Variants in PTPRS observed in about 807,000 individuals in gnomAD.
PTPRS encodes receptor-type tyrosine-protein phosphatase S.
In PTPRS, 63 loss-of-function variants were observed where a neutral mutation model predicts 215.3. The ratio of observed to expected loss-of-function variants is 0.29; its 90% CI spans 0.24 to 0.36. The LOEUF (loss-of-function observed/expected upper bound fraction) is 0.36, where lower values mean the gene tolerates loss of function less well. Ranked by LOEUF, PTPRS falls within the 10% of genes least tolerant of loss-of-function variation. PTPRS has a pLI of 1.00. For missense variants in PTPRS, 2,258 were observed against 2,825.8 expected (o/e 0.80, Z 4.56); for synonymous variants, 1,404 against 1,191.4 (o/e 1.18, Z -3.68).
At chr19:5,251,485 C>G (rs1240009967) in intron 9 of PTPRS, among the ~76,000 whole-genome samples, 6 of 142,552 alleles carry the variant, frequency 4.2e-5, no homozygotes, top group African/African-American at 1.6e-4. Flanking sequence ...TTTTGTTTTT[C>G]CCCCAGTTCT....
chr19:5,214,865 G>T, intron 28 of PTPRS, 129 bp from the exon 29 acceptor site: 1 of 965,088 alleles, frequency 1.0e-6, no homozygotes, highest in Non-Finnish European at 1.5e-6. Flanking sequence ...CATGGGACGT[G>T]TACTTCACAG....
In PTPRS at chr19:5,222,202, T is replaced by A. The variant is rs1174993660; in HGVS notation, c.3122A>T (p.Lys1041Met). Residue 1041 changes from lysine to methionine, a missense_variant, in exon 19 of 38, where the codon AAG becomes ATG. Physicochemically the swap from Lys to Met is moderately conservative, Grantham distance 95. Coordinates refer to ENST00000262963, the MANE Select transcript of PTPRS (RefSeq NM_002850.4). ...LRDQVSPKNF[K>M]VKMIMKTSVL... ...TGATGTCTTCATGATCATTTTCACCTTGAAGTTCTTGGGCGAGACTGCCGG... is the reference window on the plus strand; with the variant it reads ...TGATGTCTTCATGATCATTTTCACCATGAAGTTCTTGGGCGAGACTGCCGG... 3.1e-6 allele frequency: 5 copies of A among 1,613,702 alleles called. No homozygotes were observed. The highest frequency in any genetic ancestry group is 4.2e-6 in the Non-Finnish European group (5 of 1,179,922).
At position 5,229,512 on chromosome 19, in the gene PTPRS, G is replaced by A. The variant is rs978408377; in HGVS notation, c.2328C>T (p.Asp776=). 2 of 1,461,930 alleles carry A rather than the reference G, an allele frequency of 1.4e-6. No homozygotes were observed. Among genetic ancestry groups the A allele is most frequent in the Non-Finnish European group, 1.8e-6 (2 of 1,109,190 alleles). The allele number at this position is 1,461,930 out of a possible 1,614,324, so 90.6% of individuals were successfully genotyped here. Residue 776 remains aspartate (D), a synonymous_variant, in exon 15 of 38, where the codon GAC becomes GAT. Coordinates refer to ENST00000262963, the MANE Select transcript of PTPRS (RefSeq NM_002850.4). ...CCACCTGGGCATCGGCCAGCATGAC[G>A]TCCTTGATGCGCGGCGGCCCGCGGG... is the stretch of plus-strand genomic sequence containing the variant. ...AEARGPPRIK[D]VMLADAQWET...
At chr19:5,332,724 T>C (rs1329038094) in intron 1 of PTPRS, among the ~76,000 whole-genome samples, 1 of 152,214 alleles carries the variant, frequency 6.6e-6, no homozygotes, top group Admixed American at 6.5e-5. Context: ...CTTGGGCAAG[T>C]TGCTCTCCCT....
intron 17 of PTPRS, among the ~76,000 whole-genome samples, chr19:5,225,175 C>T (rs2042369632): frequency 6.6e-6 from 1 of 152,114 alleles, no homozygotes; most frequent in Non-Finnish European, 1.5e-5. Context: ...GAAGGGGAAA[C>T]TGAGGCAGGG....
chr19:5,219,994 T>A lies in PTPRS; in HGVS notation c.3710A>T (p.Glu1237Val). Residue 1237 changes from glutamate to valine, a missense_variant, in exon 22 of 38, where the codon GAG becomes GTG. Around this residue, in one of 6 missense-constraint regions of PTPRS, gnomAD observed 927 missense variants for 1,125.9 expected, o/e 0.82. Coordinates refer to ENST00000262963, the MANE Select transcript of PTPRS (RefSeq NM_002850.4). ...QYGGFDNRGL[E>V]PGHRYVLFVL... ...GAAGAGGACATAGCGGTGGCCGGGC[T>A]CCAGGCCCCGGTTATCGAAGCCGCC... 1 of 1,613,738 alleles carries A rather than the reference T, an allele frequency of 6.2e-7. No homozygotes were observed. The highest frequency in any genetic ancestry group is 1.3e-5 in the African/African-American group (1 of 75,046).
chr19:5,253,109 G>A (rs559436488), intron 9 of PTPRS, among the ~76,000 whole-genome samples: 14 of 152,272 alleles, frequency 9.2e-5, no homozygotes, highest in Middle Eastern at 3.4e-3. Context: ...TTCATAGTCA[G>A]GGAGAATATA....
chr19:5,336,030 G>A (rs1305676161), intron 1 of PTPRS, among the ~76,000 whole-genome samples: 2 of 148,138 alleles, frequency 1.4e-5, no homozygotes, highest in Non-Finnish European at 3.0e-5. Flanking sequence ...AAAAAAAAAA[G>A]AGAGAGACAA....
At chr19:5,262,854 G>A (rs1336404320) in intron 6 of PTPRS, 110 bp downstream of exon 6, 1 of 1,230,130 alleles carries the variant, frequency 8.1e-7, no homozygotes, top group African/African-American at 1.5e-5. Context: ...GGCAGAGTGG[G>A]TCACAGTTAC....
rs373040026 is a variant in PTPRS at position 5,336,591 on chromosome 19, A to T, written c.-95+4073T>A. Reference sequence around the variant, plus strand: ...AAGGTGTGAAAATGACAAAATTCACAGTTTAAAAAGCCCTTGAAACCTTCA... The same window carrying T: ...AAGGTGTGAAAATGACAAAATTCACTGTTTAAAAAGCCCTTGAAACCTTCA... On this transcript the variant is annotated intron_variant, in intron 1 of 37. Transcript: ENST00000262963. 5.3e-5 allele frequency among the ~76,000 whole-genome samples: 8 copies of T among 152,284 alleles called. 1 individual carries two copies. In the East Asian group the frequency reaches 1.5e-3, roughly 29 times the overall value.
intron 1 of PTPRS, among the ~76,000 whole-genome samples, chr19:5,317,543 C>T (rs886478987): frequency 6.6e-6 from 1 of 152,188 alleles, no homozygotes; most frequent in Non-Finnish European, 1.5e-5. Flanking sequence ...CAAAATCACA[C>T]AGCTAGGAAA....
chr19:5,218,443 C>T lies in PTPRS; in HGVS notation c.4025G>A (p.Arg1342Lys). The T allele has an allele frequency of 6.2e-7, 1 of 1,613,874 alleles. No individual in the cohort carries two copies. The highest frequency in any genetic ancestry group is 8.5e-7 in the Non-Finnish European group (1 of 1,179,984). ...PHHPKDPVEM[R>K]RINFQTPDSG... ...ACCTGGAGTCTGGAAGTTAATGCGT[C>T]TCATTTCCACAGGGTCCTTGGGGTG... The change falls in exon 25 of 38, where the codon AGA becomes AAA. Residue 1342 changes from arginine (R) to lysine (K), a missense_variant. Coordinates refer to ENST00000262963, the MANE Select transcript of PTPRS (RefSeq NM_002850.4).
At chr19:5,315,188 A>G (rs901390855) in intron 1 of PTPRS, among the ~76,000 whole-genome samples, 3 of 151,846 alleles carry the variant, frequency 2.0e-5, no homozygotes, top group Non-Finnish European at 4.4e-5. Flanking sequence ...GCCTTCCCTG[A>G]CTTTTCCTCC....
At chr19:5,298,661 C>T (rs952456473) in intron 1 of PTPRS, among the ~76,000 whole-genome samples, 6 of 152,236 alleles carry the variant, frequency 3.9e-5, no homozygotes, top group East Asian at 1.9e-4. Flanking sequence ...GCCCTGGCGC[C>T]GGGTCTACCC....
At chr19:5,325,997 G>A (rs1352704153) in intron 1 of PTPRS, among the ~76,000 whole-genome samples, 1 of 152,168 alleles carries the variant, frequency 6.6e-6, no homozygotes, top group Admixed American at 6.6e-5. Context: ...TGGGGAGGCT[G>A]GGGCAGGCAG....
chr19:5,269,516 C>T (rs545556955), intron 4 of PTPRS, among the ~76,000 whole-genome samples: 1 of 152,160 alleles, frequency 6.6e-6, no homozygotes, highest in Admixed American at 6.5e-5. Flanking sequence ...GAGCTCAGGG[C>T]TGGTGGCAAG....
At chr19:5,206,921 G>T in intron 37 of PTPRS, 79 bp from the exon 38 acceptor site, 1 of 1,327,602 alleles carries the variant, frequency 7.5e-7, no homozygotes, top group Non-Finnish European at 1.1e-6. Context: ...TCAGGAGCAG[G>T]CCAAGCTCCT....
Position 5,238,982 on chromosome 19 carries a change from C to G in PTPRS, c.1786G>C (p.Ala596Pro). Residue 596 changes from alanine to proline, a missense_variant, in exon 13 of 38, where the codon GCC (alanine) becomes CCC (proline). Physicochemically the swap from Ala to Pro is conservative, Grantham distance 27. Coordinates refer to ENST00000262963, the MANE Select transcript of PTPRS (RefSeq NM_002850.4). ...PNTEYAFRLA[A>P]RSPQGLGAFT... ...GCGCCCAGGCCCTGCGGCGAGCGGG[C>G]CGCCAGGCGGAAGGCGTACTCCGTG... The G allele has an allele frequency of 1.2e-6, 2 of 1,613,000 alleles. No individual in the cohort carries two copies. Among genetic ancestry groups the G allele is most frequent in the African/African-American group, 2.7e-5 (2 of 74,980 alleles).
At position 5,293,805 on chromosome 19, in the gene PTPRS, G is replaced by C. The variant is rs1457760463; in HGVS notation, c.-94-7571C>G. The stretch of plus-strand genomic sequence containing the variant: ...CGCTGGGGGTCCAGGGGAATGAATG[G>C]GGGGACACCGTGGCAGAGGCCCCCA... On this transcript the variant is annotated intron_variant, in intron 1 of 37. Transcript: ENST00000262963. The surrounding 1 kb of genome is among the most constrained non-coding windows in gnomAD (Gnocchi z 8.4). Among the ~76,000 whole-genome samples, 1 of 152,148 alleles carries C rather than the reference G, an allele frequency of 6.6e-6. No homozygotes were observed. Among genetic ancestry groups the C allele is most frequent in the Non-Finnish European group, 1.5e-5 (1 of 68,006 alleles).
Sources: allele counts gnomAD v4.1 joint callset (sites outside exome capture counted in the v4.1 genomes callset), GRCh38; gene constraint gnomAD v4.1.1; regional missense constraint gnomAD v4.1.1; non-coding constraint Gnocchi (gnomAD v3.1); transcripts MANE v1.5; gene names NCBI Gene and HGNC (gene_info 2026-07-23, HGNC 2026-07-21).